POLR1H: variants seen among roughly 807,000 people sequenced by gnomAD.
The protein encoded by POLR1H is DNA-directed RNA polymerase I subunit RPA12.
Under a neutral mutation model 15.8 loss-of-function variants are expected in POLR1H, and 5 were observed. The observed-to-expected ratio is 0.32, with a 90% CI of 0.17 to 0.67. POLR1H has a LOEUF of 0.67. POLR1H is among the 30% of genes least tolerant of loss of function. POLR1H has a pLI of 0.74. For missense variants in POLR1H, 100 were observed against 163.4 expected (o/e 0.61, Z 2.11); for synonymous variants, 43 against 58.3 (o/e 0.74, Z 1.20).
In POLR1H at chr6:30,063,607, G is replaced by C. The variant is rs375914423; in HGVS notation, c.357-1066G>C. On this transcript the variant is annotated intron_variant, in intron 3 of 3. Coordinates refer to ENST00000332435, the MANE Select transcript of POLR1H (RefSeq NM_170783.4). The surrounding 1 kb of genome is among the most constrained non-coding windows in gnomAD (Gnocchi z 4.1). ...CTGCGGATTTTGTGTGTCTGATGCTGCTGTCTTTTGTTTCTGCTGTCTCTC... is the reference window on the plus strand; with the variant it reads ...CTGCGGATTTTGTGTGTCTGATGCTCCTGTCTTTTGTTTCTGCTGTCTCTC... 6.6e-6 allele frequency among the ~76,000 whole-genome samples: 1 copy of C among 151,840 alleles called. No homozygotes were observed. Among genetic ancestry groups the C allele is most frequent in the Non-Finnish European group, 1.5e-5 (1 of 67,948 alleles).
intron 2 of POLR1H, 35 bp from the exon 3 acceptor site, chr6:30,062,189 G>A (rs547246315): frequency 6.4e-7 from 1 of 1,555,546 alleles, no homozygotes. Context: ...AAGGGGATAT[G>A]ACCAGGCCTC....
Position 30,061,748 on chromosome 6 carries a change from G to A in POLR1H, c.145+79G>A. The A allele has an allele frequency of 6.3e-7, 1 of 1,597,120 alleles. No homozygotes were observed. ...GGGAACTCAAGATCGGTTGGGTTGA[G>A]GAGGGGATCCTAGAGCAGGACATCA... On this transcript the variant is annotated intron_variant, in intron 1 of 3. Coordinates refer to ENST00000332435, the MANE Select transcript of POLR1H (RefSeq NM_170783.4). This position sits in a 1 kb window ranked among gnomAD's most constrained non-coding sequence, Gnocchi z 5.0.
intron 3 of POLR1H, 87 bp downstream of exon 3, chr6:30,062,420 T>C (rs368504853): frequency 2.4e-6 from 2 of 849,342 alleles, no homozygotes; most frequent in Non-Finnish European, 2.0e-6. Context: ...AATGGCCGTT[T>C]CCCTTGGTCC....
intron 3 of POLR1H, among the ~76,000 whole-genome samples, chr6:30,064,259 G>A (rs1267261159): frequency 6.7e-6 from 1 of 150,308 alleles, no homozygotes; most frequent in African/African-American, 2.5e-5. Flanking sequence ...TCTTTTAAAA[G>A]TATTTTTTTC....
chr6:30,062,242 C>G lies in POLR1H; in HGVS notation c.265C>G (p.Arg89Gly), dbSNP rs114533592. 1 of 1,612,896 alleles carries G rather than the reference C, an allele frequency of 6.2e-7. No homozygotes were observed. The highest frequency in any genetic ancestry group is 1.3e-5 in the African/African-American group (1 of 75,032). The change falls in exon 3 of 4, where the codon CGA becomes GGA. Residue 89 changes from arginine to glycine, a missense_variant. By Grantham distance (125) the Arg-to-Gly change is moderately radical. Coordinates refer to ENST00000332435, the MANE Select transcript of POLR1H (RefSeq NM_170783.4). ...TTCCCAGGTTGACAGGCGCTGCCCT[C>G]GATGTGGTCATGAAGGAATGGCATA... ...QGPVVDRRCP[R>G]CGHEGMAYHT... is the part of the protein sequence containing the mutation.
rs1561962048 is a variant in POLR1H at position 30,062,238 on chromosome 6, C to T, written c.261C>T (p.Cys87=). The T allele has an allele frequency of 6.2e-7, 1 of 1,612,764 alleles. No homozygotes were observed. Among genetic ancestry groups the T allele is most frequent in the African/African-American group, 1.3e-5 (1 of 74,916 alleles). ...ECQGPVVDRR[C]PRCGHEGMAY... is the part of the protein sequence containing the mutation. ...TTTCTTCCCAGGTTGACAGGCGCTG[C>T]CCTCGATGTGGTCATGAAGGAATGG... The change falls in exon 3 of 4, where the codon TGC becomes TGT. Residue 87 remains cysteine, a synonymous_variant. Coordinates refer to ENST00000332435, the MANE Select transcript of POLR1H (RefSeq NM_170783.4).
chr6:30,061,946 G>C lies in POLR1H; in HGVS notation c.175G>C (p.Val59Leu), dbSNP rs768972136. 37 of 1,612,998 alleles carry C rather than the reference G, an allele frequency of 2.3e-5. No individual in the cohort carries two copies. The South Asian group carries it at 4.0e-4, about 17-fold the overall frequency. ...DFEGKVVKTS[V>L]VFHQLGTAMP... ...TGAGGGGAAGGTTGTGAAGACTTCG[G>C]TTGTGTTCCACCAACTGGGGACAGC... is the stretch of plus-strand genomic sequence containing the variant. The change falls in exon 2 of 4, where the codon GTT becomes CTT. Residue 59 changes from valine to leucine, a missense_variant. Physicochemically the swap from Val to Leu is conservative, Grantham distance 32. This residue lies in a region of POLR1H where 87 missense variants were observed against 119.8 expected (regional missense o/e 0.73). Coordinates refer to ENST00000332435, the MANE Select transcript of POLR1H (RefSeq NM_170783.4). The surrounding 1 kb of genome is among the most constrained non-coding windows in gnomAD (Gnocchi z 5.0).
rs1765163540 is a variant in POLR1H at position 30,062,484 on chromosome 6, A to AT, written c.356+158dup. Reference sequence around the variant, plus strand: ...ATAGGGAGATTTGTAGTTGTTTTTTATTTTTTTAAGTTACACTTTTTTAAA... The same window carrying AT: ...ATAGGGAGATTTGTAGTTGTTTTTTATTTTTTTTAAGTTACACTTTTTTAAA... On this transcript the variant is annotated intron_variant, in intron 3 of 3. Transcript: ENST00000332435. 2.7e-5 allele frequency: 12 copies of AT among 451,722 alleles called. No homozygotes were observed. In the South Asian group the frequency reaches 5.4e-4, roughly 20 times the overall value. 28.0% of individuals were successfully genotyped at this position (451,722 alleles called of 1,614,324 possible).
Position 30,062,189 on chromosome 6 carries a change from G to T in POLR1H, c.247-35G>T, listed in dbSNP as rs547246315. ...ATTCCTGTGGGAAGTAAGGGGATAT[G>T]ACCAGGCCTCCCTAACCCACCAGTT... On this transcript the variant is annotated intron_variant, in intron 2 of 3. Coordinates refer to ENST00000332435, the MANE Select transcript of POLR1H (RefSeq NM_170783.4). 10 of 1,555,546 alleles carry T rather than the reference G, an allele frequency of 6.4e-6. No individual in the cohort carries two copies. In the South Asian group the frequency reaches 1.1e-4, roughly 17 times the overall value.
chr6:30,064,708 G>T lies in POLR1H; in HGVS notation c.*11G>T. On this transcript the variant is annotated 3_prime_UTR_variant, in exon 4 of 4. Transcript: ENST00000332435. ...AAGGAAGACTCTTGACCTTTTTCCT[G>T]GGCAACTCTACAGTCCCTCCCTCCT... is the stretch of plus-strand genomic sequence containing the variant. 2.5e-6 allele frequency: 4 copies of T among 1,608,024 alleles called. No homozygotes were observed. The highest frequency in any genetic ancestry group is 3.4e-6 in the Non-Finnish European group (4 of 1,178,112).
rs1025301667 is a variant in POLR1H, at chr6:30,063,269, C to A, written c.356+936C>A. 6.6e-6 allele frequency among the ~76,000 whole-genome samples: 1 copy of A among 152,026 alleles called. No individual in the cohort carries two copies. The highest frequency in any genetic ancestry group is 1.5e-5 in the Non-Finnish European group (1 of 67,994). On this transcript the variant is annotated intron_variant, in intron 3 of 3. Transcript: ENST00000332435. This position sits in a 1 kb window ranked among gnomAD's most constrained non-coding sequence, Gnocchi z 4.1. ...AATTAGTTACTAGAAAGAGGTTTCT[C>A]TCTTCTGTCCTCCATTTCTCTCACC...
chr6:30,062,358 G>A (rs9261270), intron 3 of POLR1H, 25 bp downstream of exon 3: 71,956 of 1,492,976 alleles, frequency 0.048, 2,223 homozygotes, highest in East Asian at 0.07. Context: ...CCCTCCCTCT[G>A]CTCAGTCTGT....
At chr6:30,062,158 C>T in intron 2 of POLR1H, 66 bp from the exon 3 acceptor site, 3 of 1,475,238 alleles carry the variant, frequency 2.0e-6, no homozygotes, top group Non-Finnish European at 2.8e-6. Context: ...GAGGCGTGAT[C>T]GCCTGATTCC....
Position 30,062,714 on chromosome 6 carries a change from C to CCTTTTTTTTTTTTTTTTTTTT in POLR1H, c.356+381_356+382insCTTTTTTTTTTTTTTTTTTTT, listed in dbSNP as rs749507630. On this transcript the variant is annotated intron_variant, in intron 3 of 3. Coordinates refer to ENST00000332435, the MANE Select transcript of POLR1H (RefSeq NM_170783.4). ...CACAGACACATGCCACCACGCCTGG[C>CCTTTTTTTTTTTTTTTTTTTT]TTTTTTTTTTTTTTTTTTTTTTTTT... 1.4e-4 allele frequency among the ~76,000 whole-genome samples: 6 copies of CCTTTTTTTTTTTTTTTTTTTT among 42,388 alleles called. 1 individual carries two copies. Among genetic ancestry groups the CCTTTTTTTTTTTTTTTTTTTT allele is most frequent in the East Asian group, 9.5e-4 (1 of 1,052 alleles). The allele number at this position is 42,388 out of a possible 152,430, so 27.8% of individuals were successfully genotyped here. A position where few individuals can be genotyped will look rare whatever the true frequency, so the allele number is the denominator to read the frequency against.
At chr6:30,062,101 G>C in intron 2 of POLR1H, 84 bp downstream of exon 2, 1 of 1,485,670 alleles carries the variant, frequency 6.7e-7, no homozygotes, top group Non-Finnish European at 9.4e-7. Context: ...GGAGAGTTTT[G>C]TGCCCAATTC....
At chr6:30,061,095 C>T (rs962037433), upstream of POLR1H, 1 of 160,206 alleles carries the variant, frequency 6.2e-6, no homozygotes, top group African/African-American at 2.4e-5. The surrounding 1 kb of genome is among the most constrained non-coding windows in gnomAD (Gnocchi z 5.0). Flanking sequence ...TGTGCTCAAC[C>T]TCTCAGTACC....
chr6:30,062,659 T>G (rs185572397), intron 3 of POLR1H, among the ~76,000 whole-genome samples: 1,682 of 124,606 alleles, frequency 0.013, 17 homozygotes, highest in Middle Eastern at 0.028. Context: ...CAGGTAATCC[T>G]CCCACCTCAG....
At position 30,061,693 on chromosome 6, in the gene POLR1H, C is replaced by T; in HGVS notation, c.145+24C>T. ...GGGTGAGAGGCTTGTACGCAGGGGT[C>T]CTGGCGGAGGGCGCAGGGTCGGAAG... is the stretch of plus-strand genomic sequence containing the variant. On this transcript the variant is annotated intron_variant, in intron 1 of 3. Transcript: ENST00000332435. The surrounding 1 kb of genome is among the most constrained non-coding windows in gnomAD (Gnocchi z 5.0). The T allele has an allele frequency of 3.7e-6, 6 of 1,612,014 alleles. 1 individual carries two copies. Among genetic ancestry groups the T allele is most frequent in the South Asian group, 3.3e-5 (3 of 91,058 alleles).
In POLR1H at chr6:30,061,703, G is replaced by A. The variant is rs1354432788; in HGVS notation, c.145+34G>A. ...CTTGTACGCAGGGGTCCTGGCGGAGGGCGCAGGGTCGGAAGCTTGGGGAAC... is the reference window on the plus strand; with the variant it reads ...CTTGTACGCAGGGGTCCTGGCGGAGAGCGCAGGGTCGGAAGCTTGGGGAAC... On this transcript the variant is annotated intron_variant, in intron 1 of 3. Transcript: ENST00000332435. This position sits in a 1 kb window ranked among gnomAD's most constrained non-coding sequence, Gnocchi z 5.0. 2 of 1,611,218 alleles carry A rather than the reference G, an allele frequency of 1.2e-6. No individual in the cohort carries two copies. Among genetic ancestry groups the A allele is most frequent in the African/African-American group, 1.3e-5 (1 of 74,898 alleles).
Sources: allele counts gnomAD v4.1 joint callset (sites outside exome capture counted in the v4.1 genomes callset), GRCh38; gene constraint gnomAD v4.1.1; regional missense constraint gnomAD v4.1.1; non-coding constraint Gnocchi (gnomAD v3.1); transcripts MANE v1.5; gene names NCBI Gene and HGNC (gene_info 2026-07-23, HGNC 2026-07-21).